The following SYNPR variants were observed in gnomAD, a reference collection of about 807,000 sequenced individuals.
SYNPR encodes synaptoporin.
In SYNPR, 23 loss-of-function variants were observed where a neutral mutation model predicts 32.9. The observed-to-expected ratio is 0.70, with a 90% CI of 0.50 to 0.99. The LOEUF (loss-of-function observed/expected upper bound fraction) is 0.99. Among genes scored for constraint, SYNPR ranks in the 50% least tolerant of loss-of-function variants. The probability of loss-of-function intolerance (pLI) is 0.00; values close to 1 mark genes in which losing one functional copy is unlikely to be tolerated. For synonymous variants in SYNPR, 146 were observed against 135.9 expected (o/e 1.07, Z -0.52); for missense variants, 318 against 349.3 (o/e 0.91, Z 0.71).
upstream of SYNPR, among the ~76,000 whole-genome samples, chr3:63,225,093 G>A (rs957931716): frequency 1.3e-5 from 2 of 152,184 alleles, no homozygotes; most frequent in African/African-American, 4.8e-5. Flanking sequence ...AGTTTCACCT[G>A]TGGGAGCCAG....
intron 3 of SYNPR, among the ~76,000 whole-genome samples, chr3:63,483,637 A>G (rs1701089419): frequency 6.6e-6 from 1 of 152,168 alleles, no homozygotes; most frequent in Non-Finnish European, 1.5e-5. Flanking sequence ...AAAATGAGTC[A>G]TCCTATGGCT....
At chr3:63,220,937 T>C in the SYNPR span, among the ~76,000 whole-genome samples, 1 of 152,232 alleles carries the variant, frequency 6.6e-6, no homozygotes, top group Non-Finnish European at 1.5e-5. Flanking sequence ...TTATAACCAA[T>C]ATGCAATTCT....
upstream of SYNPR, among the ~76,000 whole-genome samples, chr3:63,226,494 A>G (rs535144197): frequency 6.6e-6 from 1 of 152,330 alleles, no homozygotes; most frequent in South Asian, 2.1e-4. Flanking sequence ...AATGTAGTAT[A>G]TATACACAAT....
At chr3:63,443,292 T>A (rs1231334413) in intron 2 of SYNPR, 1 of 1,474,570 alleles carries the variant, frequency 6.8e-7, no homozygotes, top group African/African-American at 1.4e-5. Flanking sequence ...AACATCTCAC[T>A]TTCCCTCTGC....
At chr3:63,516,992 A>T (rs1447100215) in intron 3 of SYNPR, among the ~76,000 whole-genome samples, 2 of 152,176 alleles carry the variant, frequency 1.3e-5, no homozygotes, top group African/African-American at 2.4e-5. Flanking sequence ...TGTTTATAAA[A>T]ACGATACCTA....
chr3:63,605,954 A>T (rs1700112700), intron 4 of SYNPR, among the ~76,000 whole-genome samples: 1 of 152,220 alleles, frequency 6.6e-6, no homozygotes, highest in African/African-American at 2.4e-5. Flanking sequence ...TGTTGCTGTC[A>T]TTATTGCTTT....
intron 1 of SYNPR, among the ~76,000 whole-genome samples, chr3:63,239,613 T>C (rs2086224764): frequency 6.7e-6 from 1 of 150,070 alleles, no homozygotes; most frequent in Non-Finnish European, 1.5e-5. Context: ...ACCCATACTA[T>C]CATTGTCAAG....
At chr3:63,420,685 G>C (rs1054373317) in intron 2 of SYNPR, among the ~76,000 whole-genome samples, 1 of 152,036 alleles carries the variant, frequency 6.6e-6, no homozygotes, top group African/African-American at 2.4e-5. Flanking sequence ...TTTTTTTAAA[G>C]ATAAAGTTAG....
intron 2 of SYNPR, among the ~76,000 whole-genome samples, chr3:63,458,950 C>G (rs1374719775): frequency 1.3e-5 from 2 of 151,988 alleles, no homozygotes; most frequent in African/African-American, 4.8e-5. Flanking sequence ...TTCTTTATAG[C>G]CAAAACCACC....
At chr3:63,435,647 C>T (rs1009474138) in intron 2 of SYNPR, among the ~76,000 whole-genome samples, 5 of 152,294 alleles carry the variant, frequency 3.3e-5, no homozygotes, top group East Asian at 1.9e-4. Context: ...GAATTCCTGG[C>T]GTTCGGCTTA....
intron 2 of SYNPR, among the ~76,000 whole-genome samples, chr3:63,444,702 C>T (rs1341214342): frequency 6.6e-6 from 1 of 152,038 alleles, no homozygotes. Flanking sequence ...AGTGCACTAA[C>T]CTTCATATCT....
chr3:63,436,411 C>A (rs1168163747), intron 2 of SYNPR, among the ~76,000 whole-genome samples: 1 of 146,258 alleles, frequency 6.8e-6, no homozygotes, highest in African/African-American at 2.5e-5. Flanking sequence ...CAATTCCCAC[C>A]TATGAGTGAG....
intron 2 of SYNPR, among the ~76,000 whole-genome samples, chr3:63,260,174 T>A (rs1264164332): frequency 1.3e-5 from 2 of 152,108 alleles, no homozygotes; most frequent in Non-Finnish European, 2.9e-5. Flanking sequence ...CAATGCAATC[T>A]CCATCAAGCT....
intron 2 of SYNPR, among the ~76,000 whole-genome samples, chr3:63,393,671 T>C (rs1382121685): frequency 6.6e-6 from 1 of 151,760 alleles, no homozygotes; most frequent in Non-Finnish European, 1.5e-5. Context: ...CCAATATCTT[T>C]TGTTTGTTTG....
chr3:63,269,301 C>A (rs58450224), intron 3 of SYNPR, among the ~76,000 whole-genome samples: 1 of 151,852 alleles, frequency 6.6e-6, no homozygotes, highest in Admixed American at 6.6e-5. Context: ...CCAACCTGGC[C>A]AACAGGGTGA....
chr3:63,242,721 G>A (rs962208782), intron 1 of SYNPR, among the ~76,000 whole-genome samples: 3 of 151,996 alleles, frequency 2.0e-5, no homozygotes, highest in Non-Finnish European at 4.4e-5. Context: ...GTGAATTGCT[G>A]GATGAGGAGT....
intron 2 of SYNPR, among the ~76,000 whole-genome samples, chr3:63,366,154 T>C (rs1375788369): frequency 2.0e-5 from 3 of 152,244 alleles, no homozygotes; most frequent in Non-Finnish European, 4.4e-5. Flanking sequence ...TTAATTCTGG[T>C]ACTCATTAAC....
chr3:63,368,219 A>G (rs933025481), intron 2 of SYNPR, among the ~76,000 whole-genome samples: 1 of 152,204 alleles, frequency 6.6e-6, no homozygotes, highest in African/African-American at 2.4e-5. Context: ...TCATTCACAG[A>G]TATCTGCCTT....
chr3:63,437,512 A>C (rs1700105595), intron 2 of SYNPR, among the ~76,000 whole-genome samples: 1 of 151,988 alleles, frequency 6.6e-6, no homozygotes, highest in African/African-American at 2.4e-5. Flanking sequence ...AATTGAAAAG[A>C]GGTAAACAAG....
Sources: gnomAD v4.1 joint callset for allele counts (sites outside exome capture counted in the v4.1 genomes callset) on GRCh38, gnomAD v4.1.1 for gene constraint, MANE v1.5 for transcripts, NCBI Gene and HGNC (gene_info 2026-07-23, HGNC 2026-07-21) for gene names.